TANGO6: variants seen among roughly 807,000 people sequenced by gnomAD.
TANGO6 encodes transport and Golgi organization protein 6 homolog.
Under a neutral mutation model 114.2 loss-of-function variants are expected in TANGO6, and 90 were observed. That is an observed-to-expected ratio of 0.79 (90% confidence interval 0.66 to 0.94). The LOEUF (loss-of-function observed/expected upper bound fraction) is 0.94. Ranked by LOEUF, TANGO6 falls within the 40% of genes least tolerant of loss-of-function variation. TANGO6 has a pLI of 0.00. For synonymous variants in TANGO6, 477 were observed against 509.8 expected (o/e 0.94, Z 0.87); for missense variants, 1,274 against 1,315.3 (o/e 0.97, Z 0.49).
At chr16:68,966,278 C>T (rs191990315) in intron 14 of TANGO6, among the ~76,000 whole-genome samples, 181 of 152,066 alleles carry the variant, frequency 1.2e-3, no homozygotes, top group African/African-American at 4.1e-3. Flanking sequence ...AACCCCAGCA[C>T]TTTGGGAGGC....
chr16:68,919,091 G>A lies in TANGO6; in HGVS notation c.1999G>A (p.Asp667Asn). 1.2e-6 allele frequency: 2 copies of A among 1,612,120 alleles called. No homozygotes were observed. Among genetic ancestry groups the A allele is most frequent in the Non-Finnish European group, 1.7e-6 (2 of 1,179,136 alleles). The change falls in exon 12 of 18, where the codon GAC (aspartate) becomes AAC (asparagine). Residue 667 changes from aspartate to asparagine, a missense_variant. Transcript: ENST00000261778. ...AATTCCCTTTTTTGGGTAGGTGGTG[G>A]ACTTTGTAGCAGCAACATTGCAGAG... ...QIFTNVTQVV[D>N]FVAATLQRAC...
At chr16:68,991,137 T>A (rs1271815003) in intron 15 of TANGO6, among the ~76,000 whole-genome samples, 2 of 152,124 alleles carry the variant, frequency 1.3e-5, no homozygotes, top group Non-Finnish European at 2.9e-5. Context: ...CTGTGTTGGG[T>A]ACCTTGGAGA....
At chr16:69,081,177 G>A (rs2152245580) in intron 17 of TANGO6, among the ~76,000 whole-genome samples, 1 of 152,018 alleles carries the variant, frequency 6.6e-6, no homozygotes, top group South Asian at 2.1e-4. Flanking sequence ...TCCTCTATAG[G>A]ACTGGCAGAA....
chr16:68,960,372 C>T (rs1269457211), intron 14 of TANGO6, among the ~76,000 whole-genome samples: 1 of 150,820 alleles, frequency 6.6e-6, no homozygotes, highest in East Asian at 2.0e-4. Context: ...GCTTTCCTGA[C>T]TTCTGCTCTC....
intron 15 of TANGO6, among the ~76,000 whole-genome samples, chr16:69,000,576 A>C (rs1418978872): frequency 6.6e-6 from 1 of 152,080 alleles, no homozygotes. Flanking sequence ...TTTTAAAGGC[A>C]AACAAAAATC....
At chr16:68,905,739 G>T (rs527373356) in intron 9 of TANGO6, among the ~76,000 whole-genome samples, 1 of 152,066 alleles carries the variant, frequency 6.6e-6, no homozygotes, top group East Asian at 1.9e-4. Context: ...TGGTTGTGAT[G>T]GTGCCCCTCT....
intron 1 of TANGO6, among the ~76,000 whole-genome samples, chr16:68,844,769 A>G (rs1961777506): frequency 6.6e-6 from 1 of 152,134 alleles, no homozygotes; most frequent in African/African-American, 2.4e-5. Flanking sequence ...ACTTGTATTC[A>G]ATTTTTACGG....
chr16:69,072,072 G>GT (rs1567570615), intron 17 of TANGO6, among the ~76,000 whole-genome samples: 20 of 106,846 alleles, frequency 1.9e-4, no homozygotes, highest in Non-Finnish European at 3.4e-4. Context: ...TGTGTGTAGA[G>GT]AGAGGGAGAC....
intron 7 of TANGO6, among the ~76,000 whole-genome samples, chr16:68,893,867 C>CCCCCG (rs1310173157): frequency 2.0e-5 from 3 of 151,552 alleles, no homozygotes; most frequent in East Asian, 3.9e-4. Context: ...GAAGACCTGC[C>CCCCCG]CCCCGCCCCG....
chr16:69,006,690 G>A (rs2152222797), intron 15 of TANGO6, among the ~76,000 whole-genome samples: 1 of 152,300 alleles, frequency 6.6e-6, no homozygotes, highest in South Asian at 2.1e-4. Flanking sequence ...GGCGGTGGTT[G>A]CAGTGAACTG....
At chr16:68,859,677 A>G (rs970893244) in intron 1 of TANGO6, among the ~76,000 whole-genome samples, 3 of 152,210 alleles carry the variant, frequency 2.0e-5, no homozygotes, top group Non-Finnish European at 2.9e-5. Context: ...CACTACTCCA[A>G]TTACATGCAA....
intron 15 of TANGO6, among the ~76,000 whole-genome samples, chr16:68,995,571 GAA>G (rs746044013): frequency 6.6e-6 from 1 of 152,176 alleles, no homozygotes; most frequent in Non-Finnish European, 1.5e-5. Context: ...TTCCACTTTT[GAA>G]AGTGGGAAAG....
intron 14 of TANGO6, chr16:68,933,753 A>G (rs1042053198): frequency 6.6e-6 from 1 of 152,328 alleles, no homozygotes; most frequent in Non-Finnish European, 1.5e-5. Context: ...GCCCAACCCA[A>G]AAGTCAAGGG....
intron 14 of TANGO6, among the ~76,000 whole-genome samples, chr16:68,931,076 T>C (rs1274416460): frequency 6.6e-6 from 1 of 152,230 alleles, no homozygotes; most frequent in East Asian, 1.9e-4. Context: ...ACATCCCCTT[T>C]AACTTGTGGG....
At chr16:69,000,579 CA>C (rs1451578742) in intron 15 of TANGO6, among the ~76,000 whole-genome samples, 1 of 151,754 alleles carries the variant, frequency 6.6e-6, no homozygotes, top group African/African-American at 2.4e-5. Context: ...TAAAGGCAAA[CA>C]AAAATCTTTC....
chr16:68,885,486 A>G (rs569617163), intron 7 of TANGO6: 1 of 152,260 alleles, frequency 6.6e-6, no homozygotes, highest in South Asian at 2.1e-4. Context: ...GCAACCACTC[A>G]TCTATTTTCT....
At chr16:68,975,506 C>A (rs1262874305) in intron 15 of TANGO6, among the ~76,000 whole-genome samples, 1 of 151,896 alleles carries the variant, frequency 6.6e-6, no homozygotes, top group East Asian at 1.9e-4. Flanking sequence ...TAAGCATGAG[C>A]CATTCTGCAT....
chr16:68,943,834 A>T (rs777421175), intron 14 of TANGO6, among the ~76,000 whole-genome samples: 1 of 152,170 alleles, frequency 6.6e-6, no homozygotes, highest in South Asian at 2.1e-4. Context: ...AATATTTTTT[A>T]AAATATCTGC....
intron 7 of TANGO6, among the ~76,000 whole-genome samples, chr16:68,889,071 G>T (rs952066315): frequency 2.0e-5 from 3 of 152,148 alleles, no homozygotes; most frequent in African/African-American, 7.2e-5. Context: ...TGATCCACCC[G>T]CCTCAGCCTC....
Sources: gnomAD v4.1 joint callset for allele counts (sites outside exome capture counted in the v4.1 genomes callset) on GRCh38, gnomAD v4.1.1 for gene constraint, MANE v1.5 for transcripts, NCBI Gene and HGNC (gene_info 2026-07-23, HGNC 2026-07-21) for gene names.